Variants in C6 observed in about 807,000 individuals in gnomAD.
C6 encodes the protein complement component C6.
Under a neutral mutation model 112.9 loss-of-function variants are expected in C6, and 101 were observed. That is an observed-to-expected ratio of 0.89 (90% CI 0.76 to 1.06). C6 has a LOEUF of 1.06. C6 is among the 50% of genes least tolerant of loss of function. The pLI is 0.00. For missense variants in C6, 1,202 were observed against 1,104.6 expected (o/e 1.09, Z -1.25); for synonymous variants, 431 against 384.1 (o/e 1.12, Z -1.43).
At chr5:41,175,200 G>A (rs2150308746) in intron 8 of C6, among the ~76,000 whole-genome samples, 1 of 152,254 alleles carries the variant, frequency 6.6e-6, no homozygotes, top group East Asian at 1.9e-4. Flanking sequence ...CACCCATCCA[G>A]CCAGCCAGAT....
intron 9 of C6, among the ~76,000 whole-genome samples, chr5:41,165,879 C>T (rs1298729220): frequency 6.6e-6 from 1 of 152,016 alleles, no homozygotes; most frequent in South Asian, 2.1e-4. Context: ...AAAATTTAGG[C>T]GATATGCAAT....
intron 15 of C6, among the ~76,000 whole-genome samples, chr5:41,153,319 C>G (rs1746586277): frequency 6.6e-6 from 1 of 152,186 alleles, no homozygotes; most frequent in South Asian, 2.1e-4. Context: ...AATTTCTAAT[C>G]TAAGGGCACG....
At chr5:41,154,865 T>C in intron 14 of C6, 107 bp downstream of exon 14, 1 of 1,173,990 alleles carries the variant, frequency 8.5e-7, no homozygotes, top group East Asian at 2.3e-5. Flanking sequence ...CCAGAGTTAC[T>C]AAAAACTAGT....
intron 1 of C6, among the ~76,000 whole-genome samples, chr5:41,254,671 T>C (rs538165792): frequency 2.0e-5 from 3 of 152,344 alleles, no homozygotes; most frequent in Admixed American, 2.0e-4. Flanking sequence ...TTCAGCTCAA[T>C]GTAAATGTTA....
intron 1 of C6, among the ~76,000 whole-genome samples, chr5:41,227,401 G>C (rs192732556): frequency 1.3e-5 from 2 of 152,000 alleles, no homozygotes; most frequent in African/African-American, 4.8e-5. Context: ...CTATTCCGTA[G>C]GTTGTCTGTT....
At chr5:41,185,888 CTGTAAA>C (rs1749727957) in intron 6 of C6, among the ~76,000 whole-genome samples, 176 bp downstream of exon 6, 1 of 152,164 alleles carries the variant, frequency 6.6e-6, no homozygotes, top group African/African-American at 2.4e-5. Context: ...GTTTTTTCAT[CTGTAAA>C]TTGATAACAC....
intron 1 of C6, among the ~76,000 whole-genome samples, chr5:41,208,670 G>A (rs1321816083): frequency 6.6e-6 from 1 of 152,116 alleles, no homozygotes; most frequent in Non-Finnish European, 1.5e-5. Context: ...GACAAAACCA[G>A]GAAGAAGTTG....
chr5:41,231,891 GT>G (rs67401374), intron 1 of C6, among the ~76,000 whole-genome samples: 79 of 148,552 alleles, frequency 5.3e-4, no homozygotes, highest in Admixed American at 1.1e-3. Context: ...CTTTAATACA[GT>G]TTTTTTTTTC....
chr5:41,187,826 T>A (rs573402083), intron 5 of C6, among the ~76,000 whole-genome samples: 47 of 152,246 alleles, frequency 3.1e-4, no homozygotes, highest in African/African-American at 1.1e-3. Context: ...AGGCCTGGCC[T>A]GCCCTATGAA....
At chr5:41,172,828 A>C (rs563147940) in intron 8 of C6, 1 of 175,178 alleles carries the variant, frequency 5.7e-6, no homozygotes, top group Admixed American at 5.5e-5. Flanking sequence ...AGTCCACTTC[A>C]ATTGCTTCCC....
intron 1 of C6, among the ~76,000 whole-genome samples, chr5:41,258,753 G>A (rs1333985783): frequency 6.6e-6 from 1 of 152,158 alleles, no homozygotes; most frequent in Admixed American, 6.5e-5. Flanking sequence ...TAGCTGGGGA[G>A]ACCTTAGGAA....
intron 1 of C6, among the ~76,000 whole-genome samples, chr5:41,236,507 A>G (rs1374668335): frequency 1.4e-5 from 2 of 141,172 alleles, no homozygotes; most frequent in Non-Finnish European, 3.1e-5. Context: ...AGGCAGAAAT[A>G]AAGATGTTCT....
Position 41,186,177 on chromosome 5 carries a change from C to T in C6, c.619G>A (p.Glu207Lys), listed in dbSNP as rs754739910. The T allele has an allele frequency of 6.2e-7, 1 of 1,613,922 alleles. No individual in the cohort carries two copies. Among genetic ancestry groups the T allele is most frequent in the Non-Finnish European group, 8.5e-7 (1 of 1,179,894 alleles). ...FHFLAGEPRG[E>K]VLDNSFTGGI... ...CCAGTGAAAGAGTTATCAAGGACTT[C>T]TCCTCTGGGCTCTCCTGCCAGAAAA... The change falls in exon 6 of 18, where the codon GAA (glutamate) becomes AAA (lysine). Residue 207 changes from glutamate (E) to lysine (K), a missense_variant. Transcript: ENST00000337836.
chr5:41,229,578 T>G (rs1318658230), intron 1 of C6, among the ~76,000 whole-genome samples: 1 of 151,872 alleles, frequency 6.6e-6, no homozygotes, highest in Non-Finnish European at 1.5e-5. Context: ...GTGGTAAGAC[T>G]TTTTTTTGTG....
intron 15 of C6, among the ~76,000 whole-genome samples, chr5:41,151,280 A>C (rs942914355): frequency 5.3e-5 from 8 of 152,202 alleles, no homozygotes; most frequent in Non-Finnish European, 8.8e-5. Context: ...GTGGAAATGG[A>C]GAAAAGTGGA....
At position 41,200,018 on chromosome 5, in the gene C6, A is replaced by G. The variant is rs1276252204; in HGVS notation, c.301-106T>C. The stretch of plus-strand genomic sequence containing the variant: ...CACAACAGTGATTTTTCCTATGGTA[A>G]TATTTCTTATATTTTTACTAATGAT... On this transcript the variant is annotated intron_variant, in intron 3 of 17. Coordinates refer to ENST00000337836, the MANE Select transcript of C6 (RefSeq NM_000065.5). 8.3e-6 allele frequency: 8 copies of G among 961,636 alleles called. No individual in the cohort carries two copies. In the African/African-American group the frequency reaches 1.1e-4, roughly 14 times the overall value. 59.6% of individuals were successfully genotyped at this position (961,636 alleles called of 1,614,324 possible).
At chr5:41,178,538 C>T (rs1418977954) in intron 7 of C6, among the ~76,000 whole-genome samples, 7 of 127,520 alleles carry the variant, frequency 5.5e-5, no homozygotes, top group Non-Finnish European at 7.7e-5. Flanking sequence ...TGCAGTGGTG[C>T]CATCTTGGCT....
intron 1 of C6, among the ~76,000 whole-genome samples, chr5:41,249,661 G>T (rs1741225316): frequency 6.6e-6 from 1 of 152,124 alleles, no homozygotes; most frequent in Non-Finnish European, 1.5e-5. Context: ...CATACCTTCG[G>T]CTTTATTTGA....
Position 41,169,951 on chromosome 5 carries a change from C to T in C6, c.1291+2274G>A, listed in dbSNP as rs540662669. Among the ~76,000 whole-genome samples the T allele has an allele frequency of 3.8e-3, 574 of 152,244 alleles. 2 individuals carry two copies. Among genetic ancestry groups the T allele is most frequent in the African/African-American group, 0.013 (549 of 41,542 alleles). ...GAATTATTCCAATTGGTTTTTCATTCATGTCTTTGTTGCATAGATTTTATA... is the reference window on the plus strand; with the variant it reads ...GAATTATTCCAATTGGTTTTTCATTTATGTCTTTGTTGCATAGATTTTATA... On this transcript the variant is annotated intron_variant, in intron 9 of 17. Transcript: ENST00000337836.
Sources: allele counts gnomAD v4.1 joint callset (sites outside exome capture counted in the v4.1 genomes callset), GRCh38; gene constraint gnomAD v4.1.1; transcripts MANE v1.5; gene names NCBI Gene and HGNC (gene_info 2026-07-23, HGNC 2026-07-21).